The following PTPRN2 variants were observed in gnomAD, a reference collection of about 807,000 sequenced individuals.
PTPRN2 encodes protein tyrosine phosphatase receptor type N2, also known as receptor-type tyrosine-protein phosphatase N2.
PTPRN2 carries 74 observed loss-of-function variants against 118.8 expected under a neutral mutation model. The observed-to-expected ratio is 0.62, with a 90% CI of 0.52 to 0.76. The LOEUF is 0.76. Among genes scored for constraint, PTPRN2 ranks in the 30% least tolerant of loss-of-function variants. The pLI, the probability that PTPRN2 is intolerant of heterozygous loss-of-function variation, is 0.00. For synonymous variants in PTPRN2, 641 were observed against 608.0 expected, an observed-to-expected ratio of 1.05 and a Z score of -0.80; for missense variants, 1,481 against 1,394.4, an observed-to-expected ratio of 1.06 and a Z score of -0.99.
chr7:158,314,691 G>A (rs112203206), intron 3 of PTPRN2, among the ~76,000 whole-genome samples: 4,263 of 149,200 alleles, frequency 0.029, 85 homozygotes, highest in Non-Finnish European at 0.045. Flanking sequence ...CTCTCAACCC[G>A]CAGTTTGGCT....
chr7:158,516,775 G>C (rs897371716), intron 1 of PTPRN2, among the ~76,000 whole-genome samples: 2 of 149,916 alleles, frequency 1.3e-5, no homozygotes, highest in Non-Finnish European at 3.0e-5. Flanking sequence ...TACTGTTCTT[G>C]GTGCTCCTGC....
chr7:158,320,548 TCGG>T (rs1802922201), intron 2 of PTPRN2, among the ~76,000 whole-genome samples: 5 of 53,764 alleles, frequency 9.3e-5, no homozygotes, highest in Non-Finnish European at 1.9e-4. Flanking sequence ...TCCCGCGTCC[TCGG>T]CAGCGCCGGG....
At chr7:157,823,895 T>TG (rs1807006977) in intron 12 of PTPRN2, among the ~76,000 whole-genome samples, 1 of 152,124 alleles carries the variant, frequency 6.6e-6, no homozygotes, top group African/African-American at 2.4e-5. Flanking sequence ...GAGGGCAAAG[T>TG]GGGGAGGAGG....
intron 2 of PTPRN2, among the ~76,000 whole-genome samples, chr7:158,440,093 A>G (rs1319273970): frequency 1.3e-5 from 2 of 152,216 alleles, no homozygotes; most frequent in Admixed American, 1.3e-4. Context: ...ATGAGTCCTC[A>G]TTTCTGAGTG....
chr7:158,414,396 A>G (rs2129417755), intron 2 of PTPRN2, among the ~76,000 whole-genome samples: 1 of 152,320 alleles, frequency 6.6e-6, no homozygotes, highest in Middle Eastern at 3.4e-3. Flanking sequence ...GGCGGTTAAC[A>G]ATGGCTATTC....
At chr7:158,236,720 A>T (rs1487915538) in intron 3 of PTPRN2, among the ~76,000 whole-genome samples, 27 of 152,098 alleles carry the variant, frequency 1.8e-4, no homozygotes, top group Admixed American at 1.8e-3. Context: ...TCACCCAGTT[A>T]CCTGGTGGAA....
chr7:157,667,486 C>T (rs557012787), intron 13 of PTPRN2, among the ~76,000 whole-genome samples: 61 of 152,372 alleles, frequency 4.0e-4, no homozygotes, highest in African/African-American at 1.3e-3. Flanking sequence ...CACAGCCTCA[C>T]GGGAGCTGGG....
intron 19 of PTPRN2, among the ~76,000 whole-genome samples, chr7:157,575,751 T>C (rs553621246): frequency 6.6e-6 from 1 of 152,370 alleles, no homozygotes; most frequent in South Asian, 2.1e-4. Flanking sequence ...TAGTGGGGCA[T>C]GGCATTGGAT....
At chr7:158,262,759 TGC>T (rs1280684238) in intron 3 of PTPRN2, among the ~76,000 whole-genome samples, 1 of 132,354 alleles carries the variant, frequency 7.6e-6, no homozygotes, top group Non-Finnish European at 1.6e-5. Flanking sequence ...ATACACACAC[TGC>T]ACACACACAT....
intron 6 of PTPRN2, among the ~76,000 whole-genome samples, chr7:158,150,173 A>G (rs369789955): frequency 1.4e-4 from 22 of 152,242 alleles, no homozygotes; most frequent in East Asian, 7.7e-4. Context: ...TGTTGCCTCA[A>G]GCGGGGCAGT....
intron 3 of PTPRN2, among the ~76,000 whole-genome samples, chr7:158,293,689 C>T (rs1236893358): frequency 2.6e-5 from 4 of 152,136 alleles, no homozygotes; most frequent in Non-Finnish European, 2.9e-5. Context: ...AAAATAGTCT[C>T]TTTATATCCT....
intron 3 of PTPRN2, among the ~76,000 whole-genome samples, chr7:158,244,530 G>A (rs1260191560): frequency 3.6e-5 from 5 of 140,254 alleles, no homozygotes; most frequent in Non-Finnish European, 7.6e-5. Flanking sequence ...GTGAGGGTGT[G>A]TGTGAATGAG....
chr7:158,205,751 C>G (rs953859440), intron 3 of PTPRN2, among the ~76,000 whole-genome samples: 5 of 152,140 alleles, frequency 3.3e-5, no homozygotes, highest in African/African-American at 1.2e-4. Context: ...CTGTGTGCCC[C>G]AGAGAGAGAA....
intron 11 of PTPRN2, among the ~76,000 whole-genome samples, chr7:158,016,904 C>T (rs1362364928): frequency 2.6e-5 from 4 of 152,148 alleles, no homozygotes; most frequent in Non-Finnish European, 4.4e-5. Flanking sequence ...ACATGATAAC[C>T]GGGCTTCACC....
intron 11 of PTPRN2, among the ~76,000 whole-genome samples, chr7:157,951,070 A>C (rs1800781463): frequency 6.6e-6 from 1 of 151,880 alleles, no homozygotes; most frequent in South Asian, 2.1e-4. Flanking sequence ...CCCACACCCT[A>C]CTCTTGAGAG....
chr7:158,058,287 G>T (rs1809976363), intron 11 of PTPRN2, among the ~76,000 whole-genome samples: 1 of 144,044 alleles, frequency 6.9e-6, no homozygotes, highest in Non-Finnish European at 1.5e-5. Flanking sequence ...TCTGCCCACG[G>T]TGAGACATCA....
intron 2 of PTPRN2, among the ~76,000 whole-genome samples, chr7:158,392,797 C>G (rs1336947696): frequency 6.6e-6 from 1 of 152,216 alleles, no homozygotes; most frequent in Non-Finnish European, 1.5e-5. Flanking sequence ...CAGGACCATC[C>G]TGCTCTGGTT....
chr7:157,997,527 C>G (rs1008132781), intron 11 of PTPRN2, among the ~76,000 whole-genome samples: 1 of 152,208 alleles, frequency 6.6e-6, no homozygotes, highest in African/African-American at 2.4e-5. Flanking sequence ...ACAGGTGGGC[C>G]TCACTCAAGA....
At chr7:157,811,741 C>T (rs576269098) in intron 12 of PTPRN2, among the ~76,000 whole-genome samples, 5 of 152,316 alleles carry the variant, frequency 3.3e-5, no homozygotes, top group African/African-American at 9.6e-5. Flanking sequence ...GTGGCTTCCT[C>T]GCTGTGACAG....
Sources: gnomAD v4.1 joint callset for allele counts (sites outside exome capture counted in the v4.1 genomes callset) on GRCh38, gnomAD v4.1.1 for gene constraint, MANE v1.5 for transcripts, NCBI Gene and HGNC (gene_info 2026-07-23, HGNC 2026-07-21) for gene names.